Variants in CSMD1 observed in about 807,000 individuals in gnomAD.
The protein encoded by CSMD1 is CUB and sushi domain-containing protein 1.
In CSMD1, 213 loss-of-function variants were observed where a neutral mutation model predicts 417.5. The observed-to-expected ratio is 0.51, with a 90% CI of 0.46 to 0.57. The LOEUF (loss-of-function observed/expected upper bound fraction) is 0.57, where lower values mean the gene tolerates loss of function less well. Among genes scored for constraint, CSMD1 ranks in the 20% least tolerant of loss-of-function variants. The pLI is 0.00. For synonymous variants in CSMD1, 2,862 were observed against 1,736.8 expected (o/e 1.65, Z -16.11); for missense variants, 6,923 against 4,529.7 (o/e 1.53, Z -15.17).
intron 3 of CSMD1, among the ~76,000 whole-genome samples, chr8:4,050,948 C>A (rs1207384544): frequency 6.6e-6 from 1 of 152,060 alleles, no homozygotes; most frequent in Non-Finnish European, 1.5e-5. Context: ...ATGATAAGGT[C>A]TCACTTGGTT....
At chr8:4,955,755 C>A (rs78805236) in intron 1 of CSMD1, among the ~76,000 whole-genome samples, 2,266 of 152,116 alleles carry the variant, frequency 0.015, 60 homozygotes, top group African/African-American at 0.052. Context: ...CACGCCCGGG[C>A]CCTCTCTTCC....
chr8:3,484,724 A>T (rs577389172), intron 11 of CSMD1, among the ~76,000 whole-genome samples: 107 of 152,358 alleles, frequency 7.0e-4, no homozygotes, highest in Middle Eastern at 3.4e-3. Flanking sequence ...TACACAAAGA[A>T]TTCTCCAAAC....
At chr8:4,163,577 G>C (rs899257613) in intron 3 of CSMD1, among the ~76,000 whole-genome samples, 1 of 152,140 alleles carries the variant, frequency 6.6e-6, no homozygotes, top group Non-Finnish European at 1.5e-5. Context: ...AATCTAGCTA[G>C]ATAAAACTTC....
intron 4 of CSMD1, among the ~76,000 whole-genome samples, chr8:4,017,805 G>T (rs1050065496): frequency 6.6e-6 from 1 of 152,108 alleles, no homozygotes; most frequent in Non-Finnish European, 1.5e-5. Flanking sequence ...ATTTGGAAAA[G>T]ATAACATTTC....
At chr8:4,406,226 C>G (rs561954520) in intron 3 of CSMD1, among the ~76,000 whole-genome samples, 1 of 152,104 alleles carries the variant, frequency 6.6e-6, no homozygotes, top group Non-Finnish European at 1.5e-5. Flanking sequence ...GCTCCAAAGT[C>G]CCCCCAAATG....
intron 26 of CSMD1, among the ~76,000 whole-genome samples, chr8:3,273,008 C>G (rs898368324): frequency 2.0e-5 from 3 of 151,178 alleles, no homozygotes; most frequent in African/African-American, 7.3e-5. Flanking sequence ...CTGTCTTGTG[C>G]CAGTCTTCAA....
Position 4,994,390 on chromosome 8 carries a change from C to T in CSMD1, c.27G>A (p.Ser9=), listed in dbSNP as rs768467087. The change falls in exon 1 of 70, where the codon TCG becomes TCA. Residue 9 remains serine (S), a synonymous_variant. Coordinates refer to ENST00000635120, the MANE Select transcript of CSMD1 (RefSeq NM_033225.6). MTAWRRFQ[S]LLLLLGLLVL... is the part of the protein sequence containing the mutation. ...CCAGCAGCCCGAGAAGCAGGAGCAG[C>T]GACTGGAATCTCCTCCACGCAGTCA... 2.5e-6 allele frequency: 4 copies of T among 1,612,314 alleles called. No individual in the cohort carries two copies. The highest frequency in any genetic ancestry group is 2.2e-5 in the East Asian group (1 of 44,852).
intron 7 of CSMD1, among the ~76,000 whole-genome samples, chr8:3,665,869 G>C (rs1394947554): frequency 1.3e-5 from 2 of 151,976 alleles, no homozygotes; most frequent in Non-Finnish European, 2.9e-5. Flanking sequence ...GTGTTGGTTT[G>C]CTTTTTTGTT....
chr8:3,315,966 A>T (rs1805724913), intron 23 of CSMD1, among the ~76,000 whole-genome samples: 1 of 152,170 alleles, frequency 6.6e-6, no homozygotes, highest in South Asian at 2.1e-4. Flanking sequence ...TCAAATAGTT[A>T]ATATCAATTC....
chr8:4,893,404 A>C (rs1380187100), intron 1 of CSMD1, among the ~76,000 whole-genome samples: 1 of 151,658 alleles, frequency 6.6e-6, no homozygotes, highest in African/African-American at 2.4e-5. Flanking sequence ...TTTTTTCTTA[A>C]TGTTTATATT....
At position 4,301,433 on chromosome 8, in the gene CSMD1, T is replaced by C. The variant is rs1446024850; in HGVS notation, c.415+118520A>G. Among the ~76,000 whole-genome samples, 3 of 152,192 alleles carry C rather than the reference T, an allele frequency of 2.0e-5. No homozygotes were observed. In the East Asian group the frequency reaches 5.8e-4, roughly 29 times the overall value. On this transcript the variant is annotated intron_variant, in intron 3 of 69. Transcript: ENST00000635120. ...ATGGTACTGGGAAAGATATGTTTTA[T>C]CTCCTGTAACAACTCTTCAGAGACC...
At chr8:4,541,309 C>T (rs938554778) in intron 2 of CSMD1, among the ~76,000 whole-genome samples, 12 of 152,174 alleles carry the variant, frequency 7.9e-5, no homozygotes, top group African/African-American at 2.7e-4. Flanking sequence ...TAACTACCCC[C>T]ATGCAGTTCT....
intron 25 of CSMD1, among the ~76,000 whole-genome samples, chr8:3,288,979 C>T (rs1479572508): frequency 2.1e-5 from 3 of 144,644 alleles, no homozygotes; most frequent in South Asian, 2.1e-4. Flanking sequence ...CTCCCCACTC[C>T]CCCTACCCCA....
intron 12 of CSMD1, among the ~76,000 whole-genome samples, chr8:3,443,217 C>T (rs1288315027): frequency 1.3e-5 from 2 of 152,124 alleles, no homozygotes; most frequent in African/African-American, 4.8e-5. Flanking sequence ...TCATGTCAGA[C>T]TATTTCTTAT....
intron 2 of CSMD1, among the ~76,000 whole-genome samples, chr8:4,602,551 A>G (rs1800646883): frequency 6.6e-6 from 1 of 152,230 alleles, no homozygotes. Context: ...CATTATAGTC[A>G]TTGAGACAAG....
intron 37 of CSMD1, among the ~76,000 whole-genome samples, chr8:3,179,643 A>T (rs1175637762): frequency 6.6e-6 from 1 of 152,194 alleles, no homozygotes; most frequent in Non-Finnish European, 1.5e-5. Flanking sequence ...AAAAACCCAG[A>T]TGCTACAGGA....
In CSMD1 at chr8:4,627,820, C is replaced by A. The variant is rs75501329; in HGVS notation, c.302+9522G>T. Reference sequence around the variant, plus strand: ...ACATATGAATAGTATAGGAATAGTACAGACAATTCTAGATATTGCTATAAA... The same window carrying A: ...ACATATGAATAGTATAGGAATAGTAAAGACAATTCTAGATATTGCTATAAA... On this transcript the variant is annotated intron_variant, in intron 2 of 69. Coordinates refer to ENST00000635120, the MANE Select transcript of CSMD1 (RefSeq NM_033225.6). 2.4e-4 allele frequency among the ~76,000 whole-genome samples: 37 copies of A among 152,208 alleles called. No individual in the cohort carries two copies. In the East Asian group the frequency reaches 7.0e-3, roughly 29 times the overall value.
intron 7 of CSMD1, among the ~76,000 whole-genome samples, chr8:3,636,406 G>A (rs1563220179): frequency 1.3e-5 from 2 of 152,108 alleles, no homozygotes; most frequent in African/African-American, 2.4e-5. Context: ...TCAGACTCCT[G>A]ACCTCAGGTG....
chr8:4,280,386 C>G (rs1470668904), intron 3 of CSMD1, among the ~76,000 whole-genome samples: 1 of 152,158 alleles, frequency 6.6e-6, no homozygotes, highest in Admixed American at 6.6e-5. Flanking sequence ...GACATGTTTT[C>G]TTCAGTTGTC....
Sources: gnomAD v4.1 joint callset for allele counts (sites outside exome capture counted in the v4.1 genomes callset) on GRCh38, gnomAD v4.1.1 for gene constraint, MANE v1.5 for transcripts, NCBI Gene and HGNC (gene_info 2026-07-23, HGNC 2026-07-21) for gene names.